CHD9: variants seen among roughly 807,000 people sequenced by gnomAD.
CHD9 encodes ATP-dependent chromatin remodeler CHD9.
CHD9 carries 77 observed loss-of-function variants against 316.1 expected under a neutral mutation model. That is an observed-to-expected ratio of 0.24 (90% CI 0.20 to 0.29). The LOEUF (loss-of-function observed/expected upper bound fraction) is 0.29. Ranked by LOEUF, CHD9 falls within the 10% of genes least tolerant of loss-of-function variation. The pLI is 1.00. For missense variants in CHD9, 2,763 were observed against 3,438.1 expected, an observed-to-expected ratio of 0.80 and a Z score of 4.91; for synonymous variants, 1,129 against 1,158.3, an observed-to-expected ratio of 0.97 and a Z score of 0.51.
At chr16:53,217,779 A>T (rs2046885048) in intron 3 of CHD9, among the ~76,000 whole-genome samples, 2 of 152,012 alleles carry the variant, frequency 1.3e-5, no homozygotes, top group African/African-American at 4.8e-5. Flanking sequence ...AAAAAAAATT[A>T]TAATATTTTA....
intron 36 of CHD9, among the ~76,000 whole-genome samples, chr16:53,315,290 G>C (rs1349479708): frequency 6.6e-6 from 1 of 152,074 alleles, no homozygotes; most frequent in Non-Finnish European, 1.5e-5. Context: ...TACTATGTTA[G>C]ACCCAGTGAA....
At chr16:53,286,492 G>A in intron 26 of CHD9, 149 bp downstream of exon 26, 2 of 555,696 alleles carry the variant, frequency 3.6e-6, no homozygotes, top group Non-Finnish European at 6.5e-6. Context: ...ACCCTAATAG[G>A]TTAGCACTTA....
chr16:53,104,787 G>A (rs530402115), intron 1 of CHD9, among the ~76,000 whole-genome samples: 10 of 150,684 alleles, frequency 6.6e-5, no homozygotes, highest in African/African-American at 1.5e-4. Context: ...ACTCCAGCCC[G>A]GGTGACAGAA....
At chr16:53,323,940 A>T (rs553764135) in intron 38 of CHD9, 80 bp from the exon 39 acceptor site, 1 of 1,178,744 alleles carries the variant, frequency 8.5e-7, no homozygotes, top group Non-Finnish European at 1.2e-6. Flanking sequence ...CCTATTTTTC[A>T]TGGTTATTTG....
At chr16:53,198,953 A>G (rs1220321103) in intron 2 of CHD9, among the ~76,000 whole-genome samples, 1 of 151,916 alleles carries the variant, frequency 6.6e-6, no homozygotes, top group African/African-American at 2.4e-5. Flanking sequence ...AAATGTAAAA[A>G]TCTTTTTAAT....
At position 53,291,852 on chromosome 16, in the gene CHD9, T is replaced by C. The variant is rs996424955; in HGVS notation, c.5290+85T>C. The stretch of plus-strand genomic sequence containing the variant: ...TGAGATCAGTAAACTATTACACTTT[T>C]ATAATGTTTCATATATAAAAATTTT... On this transcript the variant is annotated intron_variant, in intron 28 of 38. Coordinates refer to ENST00000447540, the MANE Select transcript of CHD9 (RefSeq NM_001308319.2). 4.8e-5 allele frequency: 40 copies of C among 828,914 alleles called. 1 individual carries two copies. The highest frequency in any genetic ancestry group is 7.5e-5 in the South Asian group (3 of 40,226). The allele number at this position is 828,914 out of a possible 1,614,324, so 51.3% of individuals were successfully genotyped here.
Position 53,308,699 on chromosome 16 carries a change from A to G in CHD9, c.7067A>G (p.Lys2356Arg). 1 of 1,612,212 alleles carries G rather than the reference A, an allele frequency of 6.2e-7. No homozygotes were observed. Among genetic ancestry groups the G allele is most frequent in the Non-Finnish European group, 8.5e-7 (1 of 1,178,866 alleles). Reference protein sequence around the residue: ...TVKIKDEGGLKLTFQKQGLAQ... With the variant: ...TVKIKDEGGLRLTFQKQGLAQ... ...TTTGTTTAACAGGAAGGTGGTTTGA[A>G]GTTGACATTTCAGAAGCAAGGGCTT... Residue 2356 changes from lysine (K) to arginine (R), a missense_variant, in exon 34 of 39, where the codon AAG becomes AGG. Coordinates refer to ENST00000447540, the MANE Select transcript of CHD9 (RefSeq NM_001308319.2).
chr16:53,237,747 C>A (rs2048751932), intron 11 of CHD9, among the ~76,000 whole-genome samples: 2 of 152,038 alleles, frequency 1.3e-5, no homozygotes, highest in Admixed American at 1.3e-4. Context: ...ATATCATAAT[C>A]ATCTGTGAAG....
chr16:53,087,279 C>A (rs1422386496), intron 1 of CHD9, among the ~76,000 whole-genome samples: 1 of 152,170 alleles, frequency 6.6e-6, no homozygotes, highest in Non-Finnish European at 1.5e-5. Flanking sequence ...TGGTGCTTTT[C>A]TTCCAGGGAG....
Position 53,287,997 on chromosome 16 carries a change from T to C in CHD9, c.5230T>C (p.Phe1744Leu). The change falls in exon 27 of 39, where the codon TTT becomes CTT. Residue 1744 changes from phenylalanine to leucine, a missense_variant. This residue lies in a region of CHD9 where 183 missense variants were observed against 258.5 expected (regional missense o/e 0.71). Transcript: ENST00000447540. The stretch of plus-strand genomic sequence containing the variant: ...AGAATACAAACCTGCCCCAGCCATC[T>C]TTAAAGATGATATAGAGGTATGCAT... The part of the protein sequence containing the change: ...DPEYKPAPAI[F>L]KDDIEDDVSS... The C allele has an allele frequency of 6.2e-7, 1 of 1,610,812 alleles. No individual in the cohort carries two copies. Among genetic ancestry groups the C allele is most frequent in the Non-Finnish European group, 8.5e-7 (1 of 1,176,944 alleles).
intron 24 of CHD9, 36 bp downstream of exon 24, chr16:53,274,338 G>T: frequency 7.3e-7 from 1 of 1,362,636 alleles, no homozygotes; most frequent in Non-Finnish European, 1.0e-6. Flanking sequence ...TTGTTTGTTT[G>T]TTGTCTTGCC....
intron 4 of CHD9, among the ~76,000 whole-genome samples, chr16:53,225,378 A>G (rs2047567184): frequency 6.6e-6 from 1 of 152,176 alleles, no homozygotes; most frequent in South Asian, 2.1e-4. Context: ...AAATGTCTCT[A>G]CCCCATGAGA....
chr16:53,109,677 C>CT (rs1166073629), intron 1 of CHD9, among the ~76,000 whole-genome samples: 1,867 of 71,526 alleles, frequency 0.026, 131 homozygotes, highest in East Asian at 0.15. Context: ...TTCCCAGTTT[C>CT]TTTTTTTTTT....
chr16:53,131,349 G>C (rs1320440523), intron 1 of CHD9: 1 of 157,770 alleles, frequency 6.3e-6, no homozygotes, highest in African/African-American at 2.4e-5. Context: ...CGGCCGGTGG[G>C]GGGAGGGGGG....
At position 53,209,465 on chromosome 16, in the gene CHD9, T is replaced by C. The variant is rs905465407; in HGVS notation, c.1453-17T>C. On this transcript the variant is annotated splice_polypyrimidine_tract_variant and intron_variant, in intron 2 of 38. Coordinates refer to ENST00000447540, the MANE Select transcript of CHD9 (RefSeq NM_001308319.2). ...GTACTTTGGTATATTCTATAAAAAA[T>C]ATTTTTGTTTCTGTAGCCTCCATCT... The C allele has an allele frequency of 2.0e-6, 3 of 1,531,792 alleles. No individual in the cohort carries two copies. Among genetic ancestry groups the C allele is most frequent in the Non-Finnish European group, 1.8e-6 (2 of 1,131,848 alleles). 94.9% of individuals were successfully genotyped at this position (1,531,792 alleles called of 1,614,324 possible). A position where few individuals can be genotyped will look rare whatever the true frequency, so the allele number is the denominator to read the frequency against.
Position 53,080,518 on chromosome 16 carries a change from A to G in CHD9, c.-165+25441A>G, listed in dbSNP as rs868390316. ...CCCACCCACCCCTGCTGCCCAAGTA[A>G]GCTGGGCTTTTTGAGTCATTCGTGA... On this transcript the variant is annotated intron_variant, in intron 1 of 38. Coordinates refer to ENST00000447540, the MANE Select transcript of CHD9 (RefSeq NM_001308319.2). Among the ~76,000 whole-genome samples the G allele has an allele frequency of 3.4e-4, 52 of 152,322 alleles. No homozygotes were observed. In the Middle Eastern group the frequency reaches 0.014, roughly 40 times the overall value.
chr16:53,179,609 T>G (rs1321866958), intron 2 of CHD9, among the ~76,000 whole-genome samples: 3 of 152,054 alleles, frequency 2.0e-5, no homozygotes. Context: ...AAATTAATAA[T>G]TAAGCAGCCA....
In CHD9 at chr16:53,108,145, G is replaced by T. The variant is rs1417622560; in HGVS notation, c.-164-47781G>T. On this transcript the variant is annotated intron_variant, in intron 1 of 38. Coordinates refer to ENST00000447540, the MANE Select transcript of CHD9 (RefSeq NM_001308319.2). ...AAAATGTTCTTTTTACCCACTTATT[G>T]TGATCTCTAAAATTTTATTATTAGC... Among the ~76,000 whole-genome samples the T allele has an allele frequency of 2.0e-5, 3 of 152,134 alleles. No individual in the cohort carries two copies. The South Asian group carries it at 6.2e-4, about 32-fold the overall frequency.
chr16:53,094,641 C>CT (rs902726569), intron 1 of CHD9, among the ~76,000 whole-genome samples: 37,460 of 136,746 alleles, frequency 0.27, 6,478 homozygotes, highest in Non-Finnish European at 0.39. Flanking sequence ...TTTACTTTTT[C>CT]TTTTTTTTTT....
Sources: gnomAD v4.1 joint callset for allele counts (sites outside exome capture counted in the v4.1 genomes callset) on GRCh38, gnomAD v4.1.1 for gene constraint, gnomAD v4.1.1 regional missense constraint, MANE v1.5 for transcripts, NCBI Gene and HGNC (gene_info 2026-07-23, HGNC 2026-07-21) for gene names.